The following NTRK2 variants were observed in gnomAD, a reference collection of about 807,000 sequenced individuals.
The protein encoded by NTRK2 is BDNF/NT-3 growth factors receptor.
NTRK2 carries 13 observed loss-of-function variants against 94.5 expected under a neutral mutation model. The ratio of observed to expected loss-of-function variants is 0.14; its 90% CI spans 0.09 to 0.22. The LOEUF (loss-of-function observed/expected upper bound fraction) is 0.22, where lower values mean the gene tolerates loss of function less well. Ranked by LOEUF, NTRK2 falls within the 10% of genes least tolerant of loss-of-function variation. The probability of loss-of-function intolerance (pLI) is 1.00; values close to 1 mark genes in which losing one functional copy is unlikely to be tolerated. For synonymous variants in NTRK2, 372 were observed against 407.4 expected (o/e 0.91, Z 1.05); for missense variants, 639 against 1,071.2 (o/e 0.60, Z 5.63).
At chr9:84,941,514 G>A (rs890624169) in intron 15 of NTRK2, among the ~76,000 whole-genome samples, 1 of 152,156 alleles carries the variant, frequency 6.6e-6, no homozygotes, top group African/African-American at 2.4e-5. Flanking sequence ...CATAGCTGGA[G>A]GATTCATTTC....
rs555256015 is a variant in NTRK2, at chr9:84,977,797, A to G, written c.2172+22280A>G. On this transcript the variant is annotated intron_variant, in intron 17 of 18. Coordinates refer to ENST00000277120, the MANE Select transcript of NTRK2 (RefSeq NM_006180.6). ...CAACCAGGTATCAAGAAAGCCTATC[A>G]GTGCCATTTTTCCAACTGCATGGGC... 7.2e-5 allele frequency among the ~76,000 whole-genome samples: 11 copies of G among 152,342 alleles called. No homozygotes were observed. The South Asian group carries it at 2.3e-3, about 32-fold the overall frequency.
chr9:84,871,696 C>G lies in NTRK2; in HGVS notation c.1633+4265C>G, dbSNP rs1564413339. Reference sequence around the variant, plus strand: ...GATATGAGGGTTTCATTTACAAAGTCCAGAGATGGTTTGCAGGATTGTAGA... The same window carrying G: ...GATATGAGGGTTTCATTTACAAAGTGCAGAGATGGTTTGCAGGATTGTAGA... On this transcript the variant is annotated intron_variant, in intron 14 of 18. Transcript: ENST00000277120. The G allele has an allele frequency of 4.3e-5, 45 of 1,037,236 alleles. No individual in the cohort carries two copies. In the South Asian group the frequency reaches 5.3e-4, roughly 12 times the overall value. The allele number at this position is 1,037,236 out of a possible 1,614,324, so 64.3% of individuals were successfully genotyped here. A position where few individuals can be genotyped will look rare whatever the true frequency, so the allele number is the denominator to read the frequency against.
intron 14 of NTRK2, among the ~76,000 whole-genome samples, chr9:84,901,888 A>C (rs2076940559): frequency 6.6e-6 from 1 of 152,110 alleles, no homozygotes; most frequent in African/African-American, 2.4e-5. Flanking sequence ...TTGCTTCAGT[A>C]GTAGTTGAAT....
chr9:84,871,964 A>G, intron 14 of NTRK2: 1 of 1,579,840 alleles, frequency 6.3e-7, no homozygotes, highest in Non-Finnish European at 8.6e-7. Flanking sequence ...TCCATAACCT[A>G]GCCAAGCAAG....
At chr9:84,983,381 G>A (rs981143739) in intron 17 of NTRK2, among the ~76,000 whole-genome samples, 11 of 152,312 alleles carry the variant, frequency 7.2e-5, no homozygotes, top group African/African-American at 2.2e-4. Flanking sequence ...AAGGACAGCA[G>A]TCAAGGCTTC....
intron 14 of NTRK2, among the ~76,000 whole-genome samples, chr9:84,909,525 C>A (rs1253490651): frequency 6.6e-6 from 1 of 151,902 alleles, no homozygotes; most frequent in African/African-American, 2.4e-5. Context: ...TCCAGAATGA[C>A]TGTACCCTTT....
At chr9:84,770,503 C>T (rs943733003) in intron 12 of NTRK2, among the ~76,000 whole-genome samples, 4 of 152,172 alleles carry the variant, frequency 2.6e-5, no homozygotes, top group Admixed American at 6.5e-5. Context: ...TTGCCATGAA[C>T]ACTCCACTCT....
At chr9:84,836,560 A>G (rs1373870075) in intron 12 of NTRK2, among the ~76,000 whole-genome samples, 1 of 149,104 alleles carries the variant, frequency 6.7e-6, no homozygotes, top group Non-Finnish European at 1.5e-5. Flanking sequence ...ATTAGATTAC[A>G]CTCTAATGTA....
intron 4 of NTRK2, among the ~76,000 whole-genome samples, chr9:84,704,871 G>A (rs972539011): frequency 6.6e-6 from 1 of 152,072 alleles, no homozygotes; most frequent in Non-Finnish European, 1.5e-5. Context: ...ACAGTAGGGA[G>A]GAAGGAAGGA....
chr9:84,819,499 G>A (rs537753337), intron 12 of NTRK2, among the ~76,000 whole-genome samples: 2 of 152,300 alleles, frequency 1.3e-5, no homozygotes, highest in Non-Finnish European at 2.9e-5. Flanking sequence ...AGGCTCCTGG[G>A]TCTTGGGGAG....
intron 15 of NTRK2, among the ~76,000 whole-genome samples, chr9:84,936,021 G>T (rs752475718): frequency 1.4e-4 from 21 of 152,132 alleles, no homozygotes; most frequent in Non-Finnish European, 2.4e-4. Flanking sequence ...TGTGTTCTGG[G>T]TGCATATTTT....
chr9:84,719,600 G>C (rs1478326083), intron 6 of NTRK2, among the ~76,000 whole-genome samples: 1 of 152,090 alleles, frequency 6.6e-6, no homozygotes, highest in Admixed American at 6.5e-5. Flanking sequence ...GCCAAGGTGG[G>C]TGTCTTTAGG....
chr9:84,762,853 A>C (rs1399490383), intron 12 of NTRK2, among the ~76,000 whole-genome samples: 1 of 152,072 alleles, frequency 6.6e-6, no homozygotes, highest in Non-Finnish European at 1.5e-5. Context: ...TCCCTTACTC[A>C]GGTTGCATTT....
At chr9:84,888,349 A>C (rs537957489) in intron 14 of NTRK2, among the ~76,000 whole-genome samples, 1 of 152,036 alleles carries the variant, frequency 6.6e-6, no homozygotes, top group African/African-American at 2.4e-5. Context: ...GCTCAGGCAG[A>C]AAGTGGCAGA....
intron 12 of NTRK2, among the ~76,000 whole-genome samples, chr9:84,760,816 C>A (rs749512293): frequency 3.9e-5 from 6 of 152,154 alleles, no homozygotes; most frequent in Non-Finnish European, 8.8e-5. Context: ...AAAAACACGA[C>A]CTCATGGAAA....
chr9:84,863,221 C>T (rs2075415797), intron 13 of NTRK2, among the ~76,000 whole-genome samples: 1 of 152,150 alleles, frequency 6.6e-6, no homozygotes, highest in African/African-American at 2.4e-5. Context: ...CCCAGATGAA[C>T]TTCGTGATTC....
At chr9:84,878,839 C>A (rs2076168378) in intron 14 of NTRK2, among the ~76,000 whole-genome samples, 1 of 152,110 alleles carries the variant, frequency 6.6e-6, no homozygotes, top group Admixed American at 6.5e-5. Flanking sequence ...CTTGTGTAAA[C>A]CTCTGGCCTT....
intron 12 of NTRK2, among the ~76,000 whole-genome samples, chr9:84,753,057 G>A (rs980295221): frequency 3.9e-5 from 6 of 152,182 alleles, no homozygotes; most frequent in Admixed American, 2.0e-4. Context: ...ACTGACATCT[G>A]GGATAGAGCA....
At chr9:84,724,480 ATACTCTATT>A in intron 8 of NTRK2, 124 bp downstream of exon 8, 1 of 1,081,598 alleles carries the variant, frequency 9.2e-7, no homozygotes, top group Admixed American at 1.7e-5. Flanking sequence ...TGTTTTGTGC[ATACTCTATT>A]AAGAAACATT....
Sources: allele counts gnomAD v4.1 joint callset (sites outside exome capture counted in the v4.1 genomes callset), GRCh38; gene constraint gnomAD v4.1.1; transcripts MANE v1.5; gene names NCBI Gene and HGNC (gene_info 2026-07-23, HGNC 2026-07-21).